SOX5: variants seen among roughly 807,000 people sequenced by gnomAD.
SOX5 encodes the protein transcription factor SOX-5.
A neutral mutation model predicts 92.0 loss-of-function variants in SOX5; 9 were observed. The observed-to-expected ratio is 0.10, with a 90% CI of 0.06 to 0.17. The LOEUF is 0.17. Among genes scored for constraint, SOX5 ranks in the 10% least tolerant of loss-of-function variants. SOX5 has a pLI of 1.00. For missense variants in SOX5, 642 were observed against 944.5 expected (o/e 0.68, Z 4.20); for synonymous variants, 344 against 336.3 (o/e 1.02, Z -0.25).
intron 1 of SOX5, among the ~76,000 whole-genome samples, chr12:24,492,600 T>C (rs977475367): frequency 6.6e-6 from 1 of 152,162 alleles, no homozygotes; most frequent in Non-Finnish European, 1.5e-5. Flanking sequence ...CAAGTATTAA[T>C]AGAAACAGAG....
At chr12:24,552,309 T>C (rs191739274) in intron 1 of SOX5, among the ~76,000 whole-genome samples, 1 of 152,370 alleles carries the variant, frequency 6.6e-6, no homozygotes, top group African/African-American at 2.4e-5. Flanking sequence ...CCATATGCCA[T>C]GTATATATAA....
chr12:24,181,820 GGAAAA>G (rs1955527002), intron 4 of SOX5, among the ~76,000 whole-genome samples: 1 of 152,042 alleles, frequency 6.6e-6, no homozygotes, highest in Non-Finnish European at 1.5e-5. Flanking sequence ...AAATTTCAGT[GGAAAA>G]GAAAAGCAAA....
intron 1 of SOX5, among the ~76,000 whole-genome samples, chr12:24,426,602 T>C (rs1966797962): frequency 6.6e-6 from 1 of 152,202 alleles, no homozygotes; most frequent in South Asian, 2.1e-4. Flanking sequence ...AGGTCTGTCT[T>C]AAAGAGAAAG....
chr12:23,594,138 T>A (rs1951996287), intron 9 of SOX5, among the ~76,000 whole-genome samples: 1 of 152,150 alleles, frequency 6.6e-6, no homozygotes, highest in African/African-American at 2.4e-5. Context: ...TGGTGACAGG[T>A]ACTATCAACT....
At chr12:24,037,397 C>A (rs899396450) in intron 4 of SOX5, among the ~76,000 whole-genome samples, 2 of 152,078 alleles carry the variant, frequency 1.3e-5, no homozygotes, top group Non-Finnish European at 2.9e-5. Context: ...TAAAAACATT[C>A]CATGATTTTA....
chr12:24,378,681 C>A (rs1243221513), intron 1 of SOX5, among the ~76,000 whole-genome samples: 3 of 152,196 alleles, frequency 2.0e-5, no homozygotes, highest in African/African-American at 4.8e-5. Context: ...TGCAGTGTGA[C>A]AGAGCTCAGA....
intron 8 of SOX5, among the ~76,000 whole-genome samples, chr12:23,640,278 A>G (rs1433910737): frequency 6.6e-6 from 1 of 152,218 alleles, no homozygotes; most frequent in Non-Finnish European, 1.5e-5. Context: ...CACGGCTAGA[A>G]AAGTCTTAAT....
chr12:24,434,983 T>G (rs1454931592), intron 1 of SOX5, among the ~76,000 whole-genome samples: 3 of 152,234 alleles, frequency 2.0e-5, no homozygotes, highest in Non-Finnish European at 4.4e-5. Flanking sequence ...TCTCCCACTG[T>G]CTCACGTAAA....
chr12:23,806,645 T>A (rs1011471975), intron 3 of SOX5, among the ~76,000 whole-genome samples: 1 of 131,298 alleles, frequency 7.6e-6, no homozygotes, highest in Non-Finnish European at 1.6e-5. Context: ...CATCACAGAA[T>A]AGTGGAGTGG....
chr12:24,460,019 C>G (rs915459039), intron 1 of SOX5, among the ~76,000 whole-genome samples: 1 of 152,006 alleles, frequency 6.6e-6, no homozygotes, highest in African/African-American at 2.4e-5. Context: ...ACGAAGTGAG[C>G]AAGAAAAAAT....
intron 3 of SOX5, among the ~76,000 whole-genome samples, chr12:24,269,985 T>C (rs1311584425): frequency 6.6e-6 from 1 of 152,004 alleles, no homozygotes; most frequent in African/African-American, 2.4e-5. Flanking sequence ...ATGCCCAGCC[T>C]GGTATTCTTT....
intron 8 of SOX5, among the ~76,000 whole-genome samples, chr12:23,614,226 C>G (rs530064524): frequency 6.6e-6 from 1 of 152,156 alleles, no homozygotes; most frequent in African/African-American, 2.4e-5. Flanking sequence ...AGGAACATCA[C>G]GTGCAAAGCC....
chr12:24,553,554 T>C (rs1434737073), intron 1 of SOX5, among the ~76,000 whole-genome samples: 2 of 152,354 alleles, frequency 1.3e-5, no homozygotes, highest in Non-Finnish European at 2.9e-5. Flanking sequence ...CTGCTAGGAC[T>C]ACAATTCAAT....
intron 3 of SOX5, among the ~76,000 whole-genome samples, chr12:23,793,916 A>G (rs780989862): frequency 6.6e-6 from 1 of 152,188 alleles, no homozygotes; most frequent in Non-Finnish European, 1.5e-5. Context: ...AGCAATTTAC[A>G]CTAACTTTCC....
chr12:23,834,352 T>G (rs1171112041), intron 3 of SOX5, among the ~76,000 whole-genome samples: 1 of 151,950 alleles, frequency 6.6e-6, no homozygotes, highest in Non-Finnish European at 1.5e-5. Context: ...TACATATGAT[T>G]TTTTAGTCAA....
At chr12:23,950,887 A>T (rs188664075), upstream of SOX5, 54 of 1,535,238 alleles carry the variant, frequency 3.5e-5, no homozygotes, top group Middle Eastern at 3.3e-4. Context: ...GCATGCAGAG[A>T]TGGTGGCTGC....
At chr12:24,462,350 C>A (rs1356712170) in intron 1 of SOX5, among the ~76,000 whole-genome samples, 1 of 152,150 alleles carries the variant, frequency 6.6e-6, no homozygotes, top group African/African-American at 2.4e-5. Flanking sequence ...TATATTCAGT[C>A]TTTCCTTGAA....
chr12:24,394,097 G>A (rs1396205), intron 1 of SOX5, among the ~76,000 whole-genome samples: 100,967 of 151,864 alleles, frequency 0.66, 34,632 homozygotes, highest in African/African-American at 0.8. Flanking sequence ...CATTTTTCTC[G>A]TTAGAGCTCC....
intron 2 of SOX5, among the ~76,000 whole-genome samples, chr12:24,342,626 T>C (rs1236921080): frequency 6.6e-6 from 1 of 152,204 alleles, no homozygotes; most frequent in Non-Finnish European, 1.5e-5. Context: ...TCTTCCTTAT[T>C]ATCTATTCCT....
Sources: gnomAD v4.1 joint callset for allele counts (sites outside exome capture counted in the v4.1 genomes callset) on GRCh38, gnomAD v4.1.1 for gene constraint, MANE v1.5 for transcripts, NCBI Gene and HGNC (gene_info 2026-07-23, HGNC 2026-07-21) for gene names.